Variants in MIGA2 observed in about 807,000 individuals in gnomAD.
MIGA2 encodes the protein mitoguardin 2.
MIGA2 carries 36 observed loss-of-function variants against 69.9 expected under a neutral mutation model. The observed-to-expected ratio is 0.52, with a 90% confidence interval of 0.39 to 0.68. MIGA2 has a LOEUF of 0.68. MIGA2 is among the 30% of genes least tolerant of loss of function. MIGA2 has a pLI of 0.00. For synonymous variants in MIGA2, 333 were observed against 349.2 expected (o/e 0.95, Z 0.52); for missense variants, 660 against 787.7 (o/e 0.84, Z 1.94).
Position 129,068,894 on chromosome 9 carries a change from G to A in MIGA2, c.1405-182G>A. The A allele has an allele frequency of 1.4e-6, 1 of 690,596 alleles. No homozygotes were observed. The highest frequency in any genetic ancestry group is 2.6e-6 in the Non-Finnish European group (1 of 386,504). The allele number at this position is 690,596 out of a possible 1,614,324, so 42.8% of individuals were successfully genotyped here. ...CAGTAAGATTAGAGTCAAGATTCAA[G>A]TTTAGGTATGTCTGAGTCCAAAATC... On this transcript the variant is annotated intron_variant, in intron 13 of 15. Coordinates refer to ENST00000684074, the MANE Select transcript of MIGA2 (RefSeq NM_001329990.2). The surrounding 1 kb of genome is among the most constrained non-coding windows in gnomAD (Gnocchi z 4.1).
chr9:129,058,282 T>C (rs939359072), intron 6 of MIGA2, among the ~76,000 whole-genome samples: 13 of 151,810 alleles, frequency 8.6e-5, no homozygotes, highest in South Asian at 6.2e-4. Flanking sequence ...ATGCCTGTAG[T>C]GTCCTAGCTA....
intron 11 of MIGA2, among the ~76,000 whole-genome samples, chr9:129,066,501 C>T (rs1364404072): frequency 4.6e-5 from 7 of 151,028 alleles, no homozygotes; most frequent in African/African-American, 9.7e-5. Flanking sequence ...AGTGAAACCC[C>T]GTCTCTACTA....
chr9:129,061,635 A>G lies in MIGA2; in HGVS notation c.1010+289A>G, dbSNP rs1323821397. On this transcript the variant is annotated intron_variant, in intron 9 of 15. Transcript: ENST00000684074. This position sits in a 1 kb window ranked among gnomAD's most constrained non-coding sequence, Gnocchi z 5.0. Reference sequence around the variant, plus strand: ...ATTCTGAGAGAGTGTATGCTTCTACAGCACATACACTGAAAAAAAAATTGG... The same window carrying G: ...ATTCTGAGAGAGTGTATGCTTCTACGGCACATACACTGAAAAAAAAATTGG... Among the ~76,000 whole-genome samples, 6 of 152,250 alleles carry G rather than the reference A, an allele frequency of 3.9e-5. No individual in the cohort carries two copies. The highest frequency in any genetic ancestry group is 8.8e-5 in the Non-Finnish European group (6 of 68,038).
At chr9:129,042,647 G>T in intron 3 of MIGA2, 133 bp downstream of exon 3, 1 of 915,468 alleles carries the variant, frequency 1.1e-6, no homozygotes, top group Non-Finnish European at 1.7e-6. Context: ...CCTGATCTGT[G>T]AGCGGGATGA....
chr9:129,047,845 T>C (rs1277701415), intron 3 of MIGA2, among the ~76,000 whole-genome samples: 2 of 152,088 alleles, frequency 1.3e-5, no homozygotes, highest in African/African-American at 4.8e-5. Context: ...TCCCCCACCC[T>C]CAGCCTCCCA....
intron 6 of MIGA2, among the ~76,000 whole-genome samples, chr9:129,051,057 A>G (rs1371571238): frequency 6.6e-6 from 1 of 151,450 alleles, no homozygotes; most frequent in African/African-American, 2.4e-5. Context: ...TATTTTTAGT[A>G]GAGATGGGGT....
At chr9:129,045,492 C>G (rs533050425) in intron 3 of MIGA2, among the ~76,000 whole-genome samples, 39 of 145,740 alleles carry the variant, frequency 2.7e-4, no homozygotes, top group Non-Finnish European at 4.6e-4. Flanking sequence ...GGTGTGGTGG[C>G]TCACACCTGT....
chr9:129,070,458 G>A lies in MIGA2; in HGVS notation c.*5G>A, dbSNP rs760027072. ...CCCCTGGGGGAGCTGCAGTAGAGGC[G>A]GCACGGGCTGGGGGGTGGCAGAGAG... On this transcript the variant is annotated 3_prime_UTR_variant, in exon 16 of 16. Transcript: ENST00000684074. 5.2e-5 allele frequency: 80 copies of A among 1,549,980 alleles called. No individual in the cohort carries two copies. The highest frequency in any genetic ancestry group is 1.3e-4 in the Admixed American group (7 of 53,512).
Position 129,070,324 on chromosome 9 carries a change from C to A in MIGA2, c.1653C>A (p.Asp551Glu), listed in dbSNP as rs923154130. The A allele has an allele frequency of 6.2e-7, 1 of 1,613,152 alleles. No homozygotes were observed. The highest frequency in any genetic ancestry group is 2.2e-5 in the East Asian group (1 of 44,890). ...VRYTSLPALA[D>E]DILQLSRRRS... Reference sequence around the variant, plus strand: ...ACACGTCACTGCCCGCGCTGGCAGACGACATCCTGCAGCTGTCCCGGCGCC... The same window carrying A: ...ACACGTCACTGCCCGCGCTGGCAGAAGACATCCTGCAGCTGTCCCGGCGCC... Residue 551 changes from aspartate (D) to glutamate (E), a missense_variant, in exon 16 of 16, where the codon GAC (aspartate) becomes GAA (glutamate). This residue lies in a region of MIGA2 where 220 missense variants were observed against 301.7 expected (regional missense o/e 0.73). Coordinates refer to ENST00000684074, the MANE Select transcript of MIGA2 (RefSeq NM_001329990.2).
chr9:129,058,568 T>C (rs1379216175), intron 6 of MIGA2, among the ~76,000 whole-genome samples: 1 of 150,448 alleles, frequency 6.6e-6, no homozygotes, highest in Non-Finnish European at 1.5e-5. Context: ...GGCGCGATCT[T>C]GGCTCACTGC....
intron 11 of MIGA2, among the ~76,000 whole-genome samples, chr9:129,064,330 C>G (rs1202170031): frequency 6.6e-6 from 1 of 151,966 alleles, no homozygotes; most frequent in Non-Finnish European, 1.5e-5. Flanking sequence ...CCTCAGCCTC[C>G]CGAGTAGCTG....
Position 129,071,914 on chromosome 9 carries a change from T to G in MIGA2, c.*1461T>G, listed in dbSNP as rs1276070314. On this transcript the variant is annotated 3_prime_UTR_variant, in exon 16 of 16. Coordinates refer to ENST00000684074, the MANE Select transcript of MIGA2 (RefSeq NM_001329990.2). ...TTTTGCACTTACCCTGTGCTGTGAA[T>G]GTAACAGTGGGCCTTGGCCCCGCCC... 1.3e-5 allele frequency: 2 copies of G among 152,720 alleles called. No homozygotes were observed. The highest frequency in any genetic ancestry group is 1.5e-5 in the Non-Finnish European group (1 of 68,054). 9.5% of individuals were successfully genotyped at this position (152,720 alleles called of 1,614,324 possible). A position where few individuals can be genotyped will look rare whatever the true frequency, so the allele number is the denominator to read the frequency against.
Position 129,059,877 on chromosome 9 carries a change from G to A in MIGA2, c.793+606G>A, listed in dbSNP as rs961906585. 2.0e-5 allele frequency among the ~76,000 whole-genome samples: 3 copies of A among 152,250 alleles called. No homozygotes were observed. Among genetic ancestry groups the A allele is most frequent in the African/African-American group, 7.2e-5 (3 of 41,564 alleles). ...GCTCTGCCAGTGGAGACACAGAACCGGAGTGGGTCGGCCGAGCCACGCACC... is the reference window on the plus strand; with the variant it reads ...GCTCTGCCAGTGGAGACACAGAACCAGAGTGGGTCGGCCGAGCCACGCACC... On this transcript the variant is annotated intron_variant, in intron 7 of 15. Coordinates refer to ENST00000684074, the MANE Select transcript of MIGA2 (RefSeq NM_001329990.2). The surrounding 1 kb of genome is among the most constrained non-coding windows in gnomAD (Gnocchi z 5.6).
Position 129,054,873 on chromosome 9 carries a change from G to A in MIGA2, c.676-4281G>A, listed in dbSNP as rs191427617. Among the ~76,000 whole-genome samples the A allele has an allele frequency of 4.5e-4, 69 of 152,170 alleles. 1 individual carries two copies. Among genetic ancestry groups the A allele is most frequent in the African/African-American group, 1.2e-3 (50 of 41,530 alleles). ...GGTATATACCTAGGAGTGAAATTGC[G>A]GGGATCACATGATAATTCCATGTTT... On this transcript the variant is annotated intron_variant, in intron 6 of 15. Coordinates refer to ENST00000684074, the MANE Select transcript of MIGA2 (RefSeq NM_001329990.2).
At position 129,051,280 on chromosome 9, in the gene MIGA2, A is replaced by T. The variant is rs948217485; in HGVS notation, c.675+1317A>T. The T allele has an allele frequency of 4.7e-3, 828 of 174,726 alleles. 4 individuals are homozygous for T. The highest frequency in any genetic ancestry group is 0.018 in the African/African-American group (674 of 37,208). 10.8% of individuals were successfully genotyped at this position (174,726 alleles called of 1,614,324 possible). On this transcript the variant is annotated intron_variant, in intron 6 of 15. Coordinates refer to ENST00000684074, the MANE Select transcript of MIGA2 (RefSeq NM_001329990.2). ...TATTTATTTATTTATTTATTTATTTATTTATTTTTTTTTTTGGAGACGGAG... is the reference window on the plus strand; with the variant it reads ...TATTTATTTATTTATTTATTTATTTTTTTATTTTTTTTTTTGGAGACGGAG...
Position 129,068,745 on chromosome 9 carries a change from G to T in MIGA2, c.1405-331G>T. 1 of 436,032 alleles carries T rather than the reference G, an allele frequency of 2.3e-6. No homozygotes were observed. The highest frequency in any genetic ancestry group is 4.2e-6 in the Non-Finnish European group (1 of 238,464). The allele number at this position is 436,032 out of a possible 1,614,324, so 27.0% of individuals were successfully genotyped here. A position where few individuals can be genotyped will look rare whatever the true frequency, so the allele number is the denominator to read the frequency against. ...TCCAGCAGCCGGGCTGTGCTGCCTGGGCCCAGGCTTCTGCGAGGTGGTTTA... is the reference window on the plus strand; with the variant it reads ...TCCAGCAGCCGGGCTGTGCTGCCTGTGCCCAGGCTTCTGCGAGGTGGTTTA... On this transcript the variant is annotated intron_variant, in intron 13 of 15. Transcript: ENST00000684074. The surrounding 1 kb of genome is among the most constrained non-coding windows in gnomAD (Gnocchi z 4.1).
chr9:129,064,988 G>A (rs1403812522), intron 11 of MIGA2, among the ~76,000 whole-genome samples: 1 of 151,636 alleles, frequency 6.6e-6, no homozygotes, highest in Non-Finnish European at 1.5e-5. Flanking sequence ...TTGCTATGTT[G>A]CCCAGGAAGA....
chr9:129,050,479 T>G (rs1845463230), intron 6 of MIGA2, among the ~76,000 whole-genome samples: 1 of 152,010 alleles, frequency 6.6e-6, no homozygotes, highest in South Asian at 2.1e-4. Context: ...TTCACCATGT[T>G]GGCCAGGCTG....
chr9:129,048,283 T>C (rs1845337937), intron 3 of MIGA2, 144 bp from the exon 4 acceptor site: 1 of 720,108 alleles, frequency 1.4e-6, no homozygotes, highest in Admixed American at 2.2e-5. Context: ...GTGCACGCCC[T>C]TGGGGCCCCT....
Sources: allele counts gnomAD v4.1 joint callset (sites outside exome capture counted in the v4.1 genomes callset), GRCh38; gene constraint gnomAD v4.1.1; regional missense constraint gnomAD v4.1.1; non-coding constraint Gnocchi (gnomAD v3.1); transcripts MANE v1.5; gene names NCBI Gene and HGNC (gene_info 2026-07-23, HGNC 2026-07-21).